Variants in TVP23A observed in about 807,000 individuals in gnomAD.
TVP23A encodes trans-golgi network vesicle protein 23 homolog A, also known as Golgi apparatus membrane protein TVP23 homolog A.
Under a neutral mutation model 31.7 loss-of-function variants are expected in TVP23A, and 21 were observed. The observed-to-expected ratio is 0.66, with a 90% confidence interval of 0.47 to 0.95. The LOEUF is 0.95. Among genes scored for constraint, TVP23A ranks in the 40% least tolerant of loss-of-function variants. The probability of loss-of-function intolerance (pLI) is 0.00; values close to 1 mark genes in which losing one functional copy is unlikely to be tolerated. For missense variants in TVP23A, 279 were observed against 255.6 expected, an observed-to-expected ratio of 1.09 and a Z score of -0.62; for synonymous variants, 104 against 96.0, an observed-to-expected ratio of 1.08 and a Z score of -0.49.
downstream of TVP23A, among the ~76,000 whole-genome samples, chr16:10,758,931 G>T (rs1349341352): frequency 6.6e-6 from 1 of 152,160 alleles, no homozygotes; most frequent in Non-Finnish European, 1.5e-5. Context: ...TGTAAGTCCT[G>T]CAGAGAGCAA....
At chr16:10,761,479 G>A (rs927528421) in exon 9 of TVP23A, 1 of 1,610,378 alleles carries the variant, frequency 6.2e-7, no homozygotes, top group Non-Finnish European at 8.5e-7. Context: ...TGCAAGGTGA[G>A]GGCGCGTGGG....
intron 6 of TVP23A, 148 bp downstream of exon 6, chr16:10,771,522 G>C (rs1053468770): frequency 1.9e-6 from 2 of 1,053,648 alleles, no homozygotes; most frequent in East Asian, 5.4e-5. Flanking sequence ...GTGACAGAGC[G>C]AGATCCTGTC....
At position 10,796,621 on chromosome 16, in the gene TVP23A, G is replaced by A. The variant is rs571302835; in HGVS notation, c.89+21482C>T. 7.9e-5 allele frequency among the ~76,000 whole-genome samples: 12 copies of A among 151,952 alleles called. No individual in the cohort carries two copies. In the South Asian group the frequency reaches 2.1e-3, roughly 26 times the overall value. Reference sequence around the variant, plus strand: ...CTAATATTTTTTTTTTGTATTTTTAGTAGAGACAGGGTTTCACCGTGTTGG... The same window carrying A: ...CTAATATTTTTTTTTTGTATTTTTAATAGAGACAGGGTTTCACCGTGTTGG... On this transcript the variant is annotated intron_variant, in intron 2 of 7. Coordinates refer to ENST00000299866, the MANE Select transcript of TVP23A (RefSeq NM_001079512.4).
chr16:10,784,577 T>G lies in TVP23A; in HGVS notation c.90-9481A>C, dbSNP rs372534917. On this transcript the variant is annotated intron_variant, in intron 2 of 7. Transcript: ENST00000299866. ...CCTTGTCTCAAAAAAAATAAATAAA[T>G]AAAGAAGAAAGAAAGAAAAAAAAAC... Among the ~76,000 whole-genome samples, 1,048 of 147,376 alleles carry G rather than the reference T, an allele frequency of 7.1e-3. 6 individuals are homozygous for G. Among genetic ancestry groups the G allele is most frequent in the African/African-American group, 0.025 (975 of 39,336 alleles).
intron 2 of TVP23A, among the ~76,000 whole-genome samples, chr16:10,785,323 G>C (rs1229852108): frequency 6.6e-6 from 1 of 151,896 alleles, no homozygotes; most frequent in Non-Finnish European, 1.5e-5. Flanking sequence ...AGAATCGCTT[G>C]AACTGGGGAG....
Position 10,810,217 on chromosome 16 carries a change from GA to G in TVP23A, c.89+7885del, listed in dbSNP as rs199602832. Among the ~76,000 whole-genome samples the G allele has an allele frequency of 3.8e-4, 56 of 146,122 alleles. No homozygotes were observed. The East Asian group carries it at 5.9e-3, about 15-fold the overall frequency. On this transcript the variant is annotated intron_variant, in intron 2 of 7. Transcript: ENST00000299866. ...TCTGGGTCTGTGAAGGTGTTTCTAG[GA>G]AAAAAAAAAAATTAGCATTTGAATT...
At chr16:10,791,817 G>T (rs1395230521) in intron 2 of TVP23A, among the ~76,000 whole-genome samples, 4 of 152,108 alleles carry the variant, frequency 2.6e-5, no homozygotes, top group Non-Finnish European at 5.9e-5. Flanking sequence ...GGGTTTCACT[G>T]TGTTAGCCAA....
chr16:10,785,580 A>G (rs1004125862), intron 2 of TVP23A, among the ~76,000 whole-genome samples: 1 of 152,178 alleles, frequency 6.6e-6, no homozygotes, highest in African/African-American at 2.4e-5. Context: ...GTTATTTTAG[A>G]AAGTTATTTT....
downstream of TVP23A, among the ~76,000 whole-genome samples, chr16:10,762,762 GGGGCCGGGC>G (rs1419150830): frequency 6.6e-6 from 1 of 151,622 alleles, no homozygotes; most frequent in Admixed American, 6.6e-5. Context: ...ACAGGAGAGA[GGGGCCGGGC>G]GGGTGAAGTA....
intron 5 of TVP23A, among the ~76,000 whole-genome samples, chr16:10,772,526 C>T (rs1395120490): frequency 5.9e-5 from 9 of 152,116 alleles, no homozygotes; most frequent in African/African-American, 1.4e-4. Flanking sequence ...TGTGCCACTA[C>T]GCCCAGCTAA....
chr16:10,818,286 T>C lies in TVP23A; in HGVS notation c.10-104A>G, dbSNP rs2034531041. 1 of 1,000,022 alleles carries C rather than the reference T, an allele frequency of 1.0e-6. No individual in the cohort carries two copies. Among genetic ancestry groups the C allele is most frequent in the South Asian group, 1.4e-5 (1 of 73,476 alleles). The allele number at this position is 1,000,022 out of a possible 1,614,324, so 61.9% of individuals were successfully genotyped here. ...TGGACTCCACTTGCACCCCACCGGG[T>C]TCCCAAGTGGACCCTCCGAGCTGGC... is the stretch of plus-strand genomic sequence containing the variant. On this transcript the variant is annotated intron_variant, in intron 1 of 7. Transcript: ENST00000299866. The surrounding 1 kb of genome is among the most constrained non-coding windows in gnomAD (Gnocchi z 4.7).
chr16:10,814,570 A>G (rs2034350929), intron 2 of TVP23A, among the ~76,000 whole-genome samples: 1 of 151,938 alleles, frequency 6.6e-6, no homozygotes, highest in African/African-American at 2.4e-5. Context: ...CTGATCTCCT[A>G]TCCTACTTCC....
At chr16:10,802,160 T>G (rs912100693) in intron 2 of TVP23A, among the ~76,000 whole-genome samples, 3 of 150,886 alleles carry the variant, frequency 2.0e-5, no homozygotes, top group African/African-American at 7.3e-5. Context: ...AGAAGCCAAC[T>G]GGAAGAGGCT....
chr16:10,803,274 T>TGTGTGTGTGTGTGTGTGTGTGTGC (rs1411152260), intron 2 of TVP23A, among the ~76,000 whole-genome samples: 3 of 151,782 alleles, frequency 2.0e-5, no homozygotes, highest in African/African-American at 4.8e-5. Flanking sequence ...TGTGTGTGTG[T>TGTGTGTGTGTGTGTGTGTGTGTGC]GTGTGTGTGT....
At chr16:10,801,337 C>G (rs144588873) in intron 2 of TVP23A, among the ~76,000 whole-genome samples, 1 of 152,298 alleles carries the variant, frequency 6.6e-6, no homozygotes, top group Non-Finnish European at 1.5e-5. Flanking sequence ...CAGACAGACC[C>G]AAATTAAAGT....
At chr16:10,786,318 A>T (rs1965415098) in intron 2 of TVP23A, among the ~76,000 whole-genome samples, 1 of 152,164 alleles carries the variant, frequency 6.6e-6, no homozygotes, top group African/African-American at 2.4e-5. Flanking sequence ...TTAGGCCTGT[A>T]ATCTCAGCAC....
intron 2 of TVP23A, among the ~76,000 whole-genome samples, chr16:10,810,082 A>G (rs1466187907): frequency 1.3e-5 from 2 of 152,202 alleles, no homozygotes; most frequent in Non-Finnish European, 2.9e-5. Context: ...GTAAACACCT[A>G]AACCGGGATG....
At chr16:10,817,428 A>C (rs2034492663) in intron 2 of TVP23A, among the ~76,000 whole-genome samples, 1 of 152,326 alleles carries the variant, frequency 6.6e-6, no homozygotes, top group African/African-American at 2.4e-5. Flanking sequence ...GGGTGTTTCT[A>C]GAAGTGGCTG....
intron 2 of TVP23A, among the ~76,000 whole-genome samples, chr16:10,811,634 G>A (rs937258212): frequency 6.6e-6 from 1 of 151,910 alleles, no homozygotes; most frequent in Non-Finnish European, 1.5e-5. Flanking sequence ...TAAAAGCAAA[G>A]GAAACAAAAG....
Sources: allele counts gnomAD v4.1 joint callset (sites outside exome capture counted in the v4.1 genomes callset), GRCh38; gene constraint gnomAD v4.1.1; non-coding constraint Gnocchi (gnomAD v3.1); transcripts MANE v1.5; gene names NCBI Gene and HGNC (gene_info 2026-07-23, HGNC 2026-07-21).